CADPS2: variants seen among roughly 807,000 people sequenced by gnomAD.
CADPS2 encodes calcium-dependent secretion activator 2.
In CADPS2, 93 loss-of-function variants were observed where a neutral mutation model predicts 172.5. The ratio of observed to expected loss-of-function variants is 0.54; its 90% CI spans 0.46 to 0.64. The LOEUF (loss-of-function observed/expected upper bound fraction) is 0.64. Among genes scored for constraint, CADPS2 ranks in the 30% least tolerant of loss-of-function variants. The pLI, the probability that CADPS2 is intolerant of heterozygous loss-of-function variation, is 0.00. For synonymous variants in CADPS2, 546 were observed against 555.2 expected, an observed-to-expected ratio of 0.98 and a Z score of 0.23; for missense variants, 1,420 against 1,565.9, an observed-to-expected ratio of 0.91 and a Z score of 1.57.
At chr7:122,370,706 G>T (rs1018731406) in intron 25 of CADPS2, among the ~76,000 whole-genome samples, 4 of 152,238 alleles carry the variant, frequency 2.6e-5, no homozygotes, top group Middle Eastern at 3.4e-3. Flanking sequence ...AGCAAACCAA[G>T]ACTTTTCTAG....
intron 5 of CADPS2, among the ~76,000 whole-genome samples, chr7:122,619,358 T>C (rs558298823): frequency 6.6e-6 from 1 of 151,928 alleles, no homozygotes; most frequent in Non-Finnish European, 1.5e-5. Context: ...AGGCACGGTG[T>C]CTCAAGCCTG....
At chr7:122,597,034 C>T (rs924701812) in intron 6 of CADPS2, among the ~76,000 whole-genome samples, 1 of 151,904 alleles carries the variant, frequency 6.6e-6, no homozygotes, top group Non-Finnish European at 1.5e-5. Flanking sequence ...GAGTGAATGC[C>T]AGGCTCATTT....
In CADPS2 at chr7:122,418,838, G is replaced by A. The variant is rs144409437; in HGVS notation, c.2477-2674C>T. The stretch of plus-strand genomic sequence containing the variant: ...CATATATTTTAGCACTAACTACATT[G>A]CCACATAAGTGTGATTTAAAATAAG... On this transcript the variant is annotated intron_variant, in intron 17 of 29. Coordinates refer to ENST00000449022, the MANE Select transcript of CADPS2 (RefSeq NM_017954.11). 3.8e-3 allele frequency among the ~76,000 whole-genome samples: 585 copies of A among 152,250 alleles called. 6 individuals carry two copies. Among genetic ancestry groups the A allele is most frequent in the African/African-American group, 0.01 (430 of 41,526 alleles).
chr7:122,423,139 T>C (rs188415435), intron 17 of CADPS2, among the ~76,000 whole-genome samples: 112 of 152,146 alleles, frequency 7.4e-4, no homozygotes, highest in Middle Eastern at 6.8e-3. Flanking sequence ...AGTCTAAATT[T>C]TTATCTAGAT....
chr7:122,436,823 C>A (rs2151935395), intron 17 of CADPS2, among the ~76,000 whole-genome samples: 1 of 152,102 alleles, frequency 6.6e-6, no homozygotes. Context: ...GGTTCTTTAT[C>A]CATTTAAAAT....
intron 2 of CADPS2, among the ~76,000 whole-genome samples, chr7:122,732,833 ATACAT>A (rs1401132058): frequency 7.0e-6 from 1 of 143,684 alleles, no homozygotes; most frequent in Non-Finnish European, 1.5e-5. Context: ...TATATATAAT[ATACAT>A]TATATATGCT....
At chr7:122,767,741 T>C (rs2093597068) in intron 1 of CADPS2, among the ~76,000 whole-genome samples, 1 of 152,142 alleles carries the variant, frequency 6.6e-6, no homozygotes, top group Non-Finnish European at 1.5e-5. Context: ...TAGTAAAATA[T>C]GAGAATAGAA....
chr7:122,838,024 T>C (rs1306020323), intron 1 of CADPS2, among the ~76,000 whole-genome samples: 1 of 152,060 alleles, frequency 6.6e-6, no homozygotes, highest in Non-Finnish European at 1.5e-5. Context: ...GATGCAAAAA[T>C]CCTCAATAAA....
At chr7:122,812,927 G>A (rs1427065310) in intron 1 of CADPS2, among the ~76,000 whole-genome samples, 2 of 152,234 alleles carry the variant, frequency 1.3e-5, no homozygotes, top group Middle Eastern at 3.4e-3. Context: ...AAAACACATC[G>A]GATGTTTTTA....
intron 9 of CADPS2, among the ~76,000 whole-genome samples, chr7:122,507,329 A>G (rs934451938): frequency 1.3e-4 from 20 of 152,164 alleles, no homozygotes; most frequent in African/African-American, 4.8e-4. Flanking sequence ...GAGGTGGCCT[A>G]ACAATCTAGG....
chr7:122,435,776 AATGG>A (rs2050559284), intron 17 of CADPS2, among the ~76,000 whole-genome samples: 1 of 152,134 alleles, frequency 6.6e-6, no homozygotes, highest in Non-Finnish European at 1.5e-5. Context: ...TTGAGAGATG[AATGG>A]ATGAAGAAAA....
chr7:122,881,110 T>A (rs544162779), intron 1 of CADPS2, among the ~76,000 whole-genome samples: 1 of 152,354 alleles, frequency 6.6e-6, no homozygotes, highest in East Asian at 1.9e-4. Context: ...CAGTCAGCTT[T>A]CCTATTTTGT....
intron 9 of CADPS2, among the ~76,000 whole-genome samples, chr7:122,506,765 G>A (rs718765): frequency 0.26 from 39,143 of 150,544 alleles, 5,303 homozygotes; most frequent in East Asian, 0.34. Flanking sequence ...CACCAGAGCT[G>A]AATTTAATCA....
intron 1 of CADPS2, among the ~76,000 whole-genome samples, chr7:122,818,613 G>C (rs971848091): frequency 3.3e-5 from 5 of 151,886 alleles, no homozygotes; most frequent in Non-Finnish European, 5.9e-5. Flanking sequence ...TTGCCAGGCC[G>C]AGCTAGGTCC....
chr7:122,459,122 T>G (rs1294237708), intron 14 of CADPS2, among the ~76,000 whole-genome samples: 1 of 151,966 alleles, frequency 6.6e-6, no homozygotes. Context: ...TCTAACTCTA[T>G]AGATGTATTA....
At chr7:122,868,383 C>G (rs1297928403) in intron 1 of CADPS2, among the ~76,000 whole-genome samples, 1 of 152,114 alleles carries the variant, frequency 6.6e-6, no homozygotes, top group Non-Finnish European at 1.5e-5. Context: ...AATTCCAGCT[C>G]TCCACTTCTC....
chr7:122,466,685 A>G (rs949761758), intron 14 of CADPS2, among the ~76,000 whole-genome samples: 3 of 152,214 alleles, frequency 2.0e-5, no homozygotes, highest in Non-Finnish European at 2.9e-5. Flanking sequence ...GCAATATTTC[A>G]TCGTTTAAAA....
intron 13 of CADPS2, among the ~76,000 whole-genome samples, chr7:122,473,885 C>A (rs543018539): frequency 2.0e-5 from 3 of 152,088 alleles, no homozygotes; most frequent in African/African-American, 7.2e-5. Context: ...CTAGATGAAA[C>A]CAAAACTTTC....
At chr7:122,323,107 T>C (rs562741550) in intron 29 of CADPS2, among the ~76,000 whole-genome samples, 3 of 152,318 alleles carry the variant, frequency 2.0e-5, no homozygotes, top group African/African-American at 7.2e-5. Flanking sequence ...ATGTATGAAA[T>C]TGGCTAAAAG....
Sources: gnomAD v4.1 joint callset for allele counts (sites outside exome capture counted in the v4.1 genomes callset) on GRCh38, gnomAD v4.1.1 for gene constraint, MANE v1.5 for transcripts, NCBI Gene and HGNC (gene_info 2026-07-23, HGNC 2026-07-21) for gene names.